The following TAOK3 variants were observed in gnomAD, a reference collection of about 807,000 sequenced individuals.
TAOK3 encodes TAO kinase 3.
TAOK3 carries 40 observed loss-of-function variants against 120.4 expected under a neutral mutation model. The observed-to-expected ratio is 0.33, with a 90% confidence interval of 0.26 to 0.43. TAOK3 has a LOEUF of 0.43. TAOK3 is among the 20% of genes least tolerant of loss of function. The probability of loss-of-function intolerance (pLI) is 1.00; values close to 1 mark genes in which losing one functional copy is unlikely to be tolerated. For missense variants in TAOK3, 821 were observed against 1,112.1 expected, an observed-to-expected ratio of 0.74 and a Z score of 3.72; for synonymous variants, 355 against 387.5, an observed-to-expected ratio of 0.92 and a Z score of 0.99.
At chr12:118,352,286 A>G (rs890790286) in intron 1 of TAOK3, among the ~76,000 whole-genome samples, 1 of 151,974 alleles carries the variant, frequency 6.6e-6, no homozygotes, top group African/African-American at 2.4e-5. Flanking sequence ...CAGGTGGATC[A>G]TGAGGTCAGG....
intron 1 of TAOK3, among the ~76,000 whole-genome samples, chr12:118,313,934 G>A (rs2043353516): frequency 6.6e-6 from 1 of 152,044 alleles, no homozygotes; most frequent in Admixed American, 6.6e-5. Context: ...TGTTCTCCTT[G>A]CCATGCCTCT....
chr12:118,221,236 T>G (rs2039215203), intron 9 of TAOK3, among the ~76,000 whole-genome samples: 1 of 152,216 alleles, frequency 6.6e-6, no homozygotes, highest in African/African-American at 2.4e-5. Context: ...TTTTTTTTCT[T>G]TTTTTGAGAC....
rs908826616 is a variant in TAOK3, at chr12:118,371,939, C to T, written c.-194+709G>A. Among the ~76,000 whole-genome samples the T allele has an allele frequency of 5.3e-5, 8 of 150,232 alleles. No individual in the cohort carries two copies. Among genetic ancestry groups the T allele is most frequent in the African/African-American group, 2.0e-4 (8 of 40,764 alleles). On this transcript the variant is annotated intron_variant, in intron 1 of 20. Transcript: ENST00000392533. This position sits in a 1 kb window ranked among gnomAD's most constrained non-coding sequence, Gnocchi z 5.5. ...CCCTCTCGGGGTCACCCTGCTCCCA[C>T]CCGCTGTCCCGGCCTCTCTCTAGGT... is the stretch of plus-strand genomic sequence containing the variant.
chr12:118,349,117 C>A (rs2045019571), intron 1 of TAOK3, among the ~76,000 whole-genome samples: 1 of 151,692 alleles, frequency 6.6e-6, no homozygotes. Context: ...GTCTCAAACT[C>A]CTGACCTCAG....
intron 9 of TAOK3, among the ~76,000 whole-genome samples, chr12:118,215,627 T>C (rs992864406): frequency 1.6e-4 from 25 of 151,946 alleles, no homozygotes; most frequent in African/African-American, 6.0e-4. Flanking sequence ...GGGGTGACAG[T>C]AGAGAGAGAA....
chr12:118,230,764 C>G (rs1357455984), intron 9 of TAOK3, among the ~76,000 whole-genome samples: 1 of 152,080 alleles, frequency 6.6e-6, no homozygotes, highest in Non-Finnish European at 1.5e-5. Context: ...CCACCACGCC[C>G]AGCCTACCTT....
intron 1 of TAOK3, among the ~76,000 whole-genome samples, chr12:118,336,290 C>T (rs1248002232): frequency 6.6e-6 from 1 of 152,118 alleles, no homozygotes; most frequent in Non-Finnish European, 1.5e-5. Context: ...AATAGACATA[C>T]ACGGATATGT....
chr12:118,206,106 T>C (rs1206436679), intron 11 of TAOK3, among the ~76,000 whole-genome samples: 2 of 152,194 alleles, frequency 1.3e-5, no homozygotes, highest in Non-Finnish European at 2.9e-5. Flanking sequence ...GACAAGGTGT[T>C]TTACCCTTTG....
chr12:118,197,682 C>CTTTTT lies in TAOK3; in HGVS notation c.1194+1364_1194+1368dup, dbSNP rs67635506. ...CAAAAAGACAGCCCAGCAAAACCTT[C>CTTTTT]TTTTTTTTTTTTTTTTTTTTTTTGA... On this transcript the variant is annotated intron_variant, in intron 13 of 20. Coordinates refer to ENST00000392533, the MANE Select transcript of TAOK3 (RefSeq NM_016281.4). Among the ~76,000 whole-genome samples the CTTTTT allele has an allele frequency of 2.5e-3, 229 of 90,768 alleles. 1 individual carries two copies. The highest frequency in any genetic ancestry group is 2.9e-3 in the African/African-American group (67 of 23,262). 59.5% of individuals were successfully genotyped at this position (90,768 alleles called of 152,430 possible). A position where few individuals can be genotyped will look rare whatever the true frequency, so the allele number is the denominator to read the frequency against.
intron 15 of TAOK3, among the ~76,000 whole-genome samples, chr12:118,179,053 A>T (rs1303000155): frequency 6.6e-6 from 1 of 152,252 alleles, no homozygotes; most frequent in Non-Finnish European, 1.5e-5. Context: ...TACCAAGTCA[A>T]ATCCCAAGAA....
chr12:118,289,650 A>C (rs1566069526), intron 1 of TAOK3, among the ~76,000 whole-genome samples: 1 of 152,204 alleles, frequency 6.6e-6, no homozygotes, highest in Non-Finnish European at 1.5e-5. Flanking sequence ...CCCTGTTTAG[A>C]TATTTAAAGC....
intron 1 of TAOK3, among the ~76,000 whole-genome samples, chr12:118,290,494 A>G (rs2042431470): frequency 6.6e-6 from 1 of 152,108 alleles, no homozygotes; most frequent in Admixed American, 6.6e-5. Flanking sequence ...CATTTATTTC[A>G]GACACAGGAC....
At chr12:118,323,336 A>T (rs981258802) in intron 1 of TAOK3, among the ~76,000 whole-genome samples, 5 of 152,196 alleles carry the variant, frequency 3.3e-5, no homozygotes, top group Admixed American at 2.6e-4. Context: ...GGTAAGGATA[A>T]ATTTCTTATT....
chr12:118,184,671 T>C (rs1369415907), intron 14 of TAOK3, among the ~76,000 whole-genome samples: 2 of 152,094 alleles, frequency 1.3e-5, no homozygotes, highest in African/African-American at 4.8e-5. Flanking sequence ...AAATTACAAA[T>C]TGAGTAAGTC....
At chr12:118,289,205 G>A (rs2042378165) in intron 1 of TAOK3, among the ~76,000 whole-genome samples, 1 of 147,928 alleles carries the variant, frequency 6.8e-6, no homozygotes, top group Non-Finnish European at 1.5e-5. Flanking sequence ...GGAGGCTGAG[G>A]CAGGAAAATC....
chr12:118,272,305 A>AG (rs1555237579), intron 1 of TAOK3, among the ~76,000 whole-genome samples: 7 of 148,744 alleles, frequency 4.7e-5, no homozygotes, highest in Non-Finnish European at 7.4e-5. Context: ...AAAAAAAAAA[A>AG]AAAGAAAGAA....
chr12:118,205,619 CT>C (rs902504379), intron 11 of TAOK3, among the ~76,000 whole-genome samples: 1 of 150,860 alleles, frequency 6.6e-6, no homozygotes. Flanking sequence ...ATTCCAACTT[CT>C]TTTTTTTTGA....
intron 13 of TAOK3, among the ~76,000 whole-genome samples, chr12:118,194,411 G>A (rs1272061024): frequency 6.6e-6 from 1 of 152,146 alleles, no homozygotes; most frequent in Non-Finnish European, 1.5e-5. Context: ...AAAGGCTGAG[G>A]AGAAAGACGT....
chr12:118,247,055 T>C (rs2040546738), intron 3 of TAOK3: 2 of 618,354 alleles, frequency 3.2e-6, no homozygotes, highest in Admixed American at 3.3e-5. Context: ...TGATAATCCC[T>C]GGAGCAGTGC....
Sources: allele counts gnomAD v4.1 joint callset (sites outside exome capture counted in the v4.1 genomes callset), GRCh38; gene constraint gnomAD v4.1.1; non-coding constraint Gnocchi (gnomAD v3.1); transcripts MANE v1.5; gene names NCBI Gene and HGNC (gene_info 2026-07-23, HGNC 2026-07-21).